The following SEPTIN10 variants were observed in gnomAD, a reference collection of about 807,000 sequenced individuals.
SEPTIN10 encodes septin 10.
In SEPTIN10, 66 loss-of-function variants were observed where a neutral mutation model predicts 54.8. The observed-to-expected ratio is 1.21, with a 90% CI of 0.99 to 1.48. SEPTIN10 has a LOEUF of 1.48. SEPTIN10 is among the 40% of genes most tolerant of loss of function. The pLI is 0.00. For synonymous variants in SEPTIN10, 161 were observed against 181.0 expected, an observed-to-expected ratio of 0.89 and a Z score of 0.89; for missense variants, 620 against 545.6, an observed-to-expected ratio of 1.14 and a Z score of -1.36.
Position 109,574,615 on chromosome 2 carries a change from A to G in SEPTIN10, c.566T>C (p.Leu189Pro), listed in dbSNP as rs3829701. ...AAGGTTCTTCATGGTTAAGAGATCA[A>G]GTGTCTTCAGAGAGTGGCCTGTCGG... ...ISPTGHSLKT[L>P]DLLTMKNLDS... Residue 189 changes from leucine (L) to proline (P), a missense_variant, in exon 5 of 11, where the codon CTT (leucine) becomes CCT (proline). Transcript: ENST00000397712. The G allele has an allele frequency of 3.0e-4, 473 of 1,599,172 alleles. 4 individuals carry two copies. The East Asian group carries it at 0.011, about 36-fold the overall frequency.
intron 2 of SEPTIN10, among the ~76,000 whole-genome samples, chr2:109,591,406 A>C (rs969898188): frequency 2.6e-5 from 4 of 152,170 alleles, no homozygotes; most frequent in African/African-American, 9.7e-5. Flanking sequence ...AAAAGAAACC[A>C]AGCAACAGCC....
chr2:109,545,444 C>T (rs997263430), intron 10 of SEPTIN10: 2 of 1,536,044 alleles, frequency 1.3e-6, no homozygotes, highest in Non-Finnish European at 1.7e-6. Context: ...CCCCCTTGCA[C>T]TGTGGCCCTC....
At chr2:109,544,371 C>A in intron 10 of SEPTIN10, 47 bp from the exon 11 acceptor site, 1 of 1,548,704 alleles carries the variant, frequency 6.5e-7, no homozygotes, top group South Asian at 1.2e-5. Flanking sequence ...AAAAAAAATT[C>A]AAGTAAAAAT....
intron 4 of SEPTIN10, among the ~76,000 whole-genome samples, chr2:109,581,657 A>G (rs1691185560): frequency 6.6e-6 from 1 of 152,160 alleles, no homozygotes; most frequent in South Asian, 2.1e-4. Flanking sequence ...TCGTATTTAT[A>G]TACTGCTTCA....
At chr2:109,569,001 C>A (rs1687728404) in intron 5 of SEPTIN10, among the ~76,000 whole-genome samples, 1 of 152,162 alleles carries the variant, frequency 6.6e-6, no homozygotes, top group South Asian at 2.1e-4. Context: ...TTAATATCCC[C>A]ACAAAAGACT....
intron 2 of SEPTIN10, among the ~76,000 whole-genome samples, chr2:109,588,523 T>C (rs1364980150): frequency 1.3e-5 from 2 of 152,116 alleles, no homozygotes; most frequent in Non-Finnish European, 2.9e-5. Context: ...AGATGGAGTT[T>C]TGCTCTTTCG....
chr2:109,572,857 CGCCT>C (rs1433499319), intron 5 of SEPTIN10, among the ~76,000 whole-genome samples: 1 of 151,906 alleles, frequency 6.6e-6, no homozygotes, highest in Non-Finnish European at 1.5e-5. Flanking sequence ...CCTTGTGATC[CGCCT>C]GCCTTGGCCT....
chr2:109,544,009 G>A lies in SEPTIN10; in HGVS notation c.*300C>T. The A allele has an allele frequency of 1.4e-6, 1 of 725,194 alleles. No homozygotes were observed. The highest frequency in any genetic ancestry group is 2.2e-6 in the Non-Finnish European group (1 of 446,154). The allele number at this position is 725,194 out of a possible 1,614,324, so 44.9% of individuals were successfully genotyped here. On this transcript the variant is annotated 3_prime_UTR_variant, in exon 11 of 11. Coordinates refer to ENST00000397712, the MANE Select transcript of SEPTIN10 (RefSeq NM_144710.5). ...TTAAACTGAACCATCAGAAAGCAAA[G>A]GTGTCGGGTGGGGAATTTTCCACTT... is the stretch of plus-strand genomic sequence containing the variant.
At chr2:109,574,222 T>G (rs965615410) in intron 5 of SEPTIN10, among the ~76,000 whole-genome samples, 1 of 151,126 alleles carries the variant, frequency 6.6e-6, no homozygotes. Context: ...GAAAATCACT[T>G]AAGTCCAGGA....
At chr2:109,546,402 A>G (rs1447172660) in intron 9 of SEPTIN10, among the ~76,000 whole-genome samples, 165 bp from the exon 10 acceptor site, 1 of 152,178 alleles carries the variant, frequency 6.6e-6, no homozygotes, top group Non-Finnish European at 1.5e-5. Context: ...AAAAGTTTAC[A>G]TATGGAATTC....
chr2:109,580,344 A>C (rs1690808476), intron 4 of SEPTIN10, among the ~76,000 whole-genome samples: 1 of 93,746 alleles, frequency 1.1e-5, no homozygotes, highest in Admixed American at 1.3e-4. Flanking sequence ...TTTCTCCATA[A>C]AATGCAAAAA....
rs1412448035 is a variant in SEPTIN10 at position 109,608,060 on chromosome 2, CT to C, written c.30+5737del. ...ATTTGTCAGTGAGAACATTTCTCAT[CT>C]ATACACATAGAATTAAACTTAGTCA... On this transcript the variant is annotated intron_variant, in intron 1 of 10. Transcript: ENST00000397712. 7.2e-5 allele frequency among the ~76,000 whole-genome samples: 11 copies of C among 151,842 alleles called. No homozygotes were observed. The East Asian group carries it at 2.1e-3, about 29-fold the overall frequency.
intron 5 of SEPTIN10, among the ~76,000 whole-genome samples, chr2:109,569,629 T>C (rs1187422161): frequency 3.3e-5 from 5 of 152,192 alleles, no homozygotes; most frequent in Admixed American, 1.3e-4. Flanking sequence ...ACAACTTTCC[T>C]GTTAAATTAG....
intron 2 of SEPTIN10, among the ~76,000 whole-genome samples, chr2:109,586,059 T>A (rs1692463356): frequency 6.6e-6 from 1 of 151,834 alleles, no homozygotes; most frequent in Non-Finnish European, 1.5e-5. Flanking sequence ...ACAACGAGAG[T>A]CTAGCACTAT....
At chr2:109,555,059 G>C (rs1015529229) in intron 8 of SEPTIN10, among the ~76,000 whole-genome samples, 3 of 152,046 alleles carry the variant, frequency 2.0e-5, no homozygotes, top group Admixed American at 6.6e-5. Context: ...CTTCACTACT[G>C]CAACAATCTC....
chr2:109,597,230 C>T (rs528173873), intron 1 of SEPTIN10, among the ~76,000 whole-genome samples: 5 of 152,162 alleles, frequency 3.3e-5, no homozygotes, highest in African/African-American at 4.8e-5. Context: ...CATGAGCCAC[C>T]GTGCCTGGCT....
chr2:109,549,108 T>C (rs978719254), intron 9 of SEPTIN10, among the ~76,000 whole-genome samples: 3 of 152,198 alleles, frequency 2.0e-5, no homozygotes, highest in Non-Finnish European at 4.4e-5. Context: ...TAGGTATGTG[T>C]GTGTGTTTAA....
At chr2:109,544,536 A>C in intron 10 of SEPTIN10, 1 of 983,800 alleles carries the variant, frequency 1.0e-6, no homozygotes, top group Non-Finnish European at 1.2e-6. Flanking sequence ...TTTGCAAACA[A>C]CAGCAGGGTT....
At chr2:109,553,982 G>A (rs1683754309) in intron 8 of SEPTIN10, among the ~76,000 whole-genome samples, 1 of 152,110 alleles carries the variant, frequency 6.6e-6, no homozygotes, top group Admixed American at 6.5e-5. Flanking sequence ...TTACCATAGG[G>A]TAATTGATAT....
Sources: gnomAD v4.1 joint callset for allele counts (sites outside exome capture counted in the v4.1 genomes callset) on GRCh38, gnomAD v4.1.1 for gene constraint, MANE v1.5 for transcripts, NCBI Gene and HGNC (gene_info 2026-07-23, HGNC 2026-07-21) for gene names.